Variants in ECE1 observed in about 807,000 individuals in gnomAD.
The protein encoded by ECE1 is endothelin converting enzyme 1, also known as endothelin-converting enzyme 1.
A neutral mutation model predicts 98.6 loss-of-function variants in ECE1; 35 were observed. The observed-to-expected ratio is 0.35, with a 90% confidence interval of 0.27 to 0.47. The LOEUF (loss-of-function observed/expected upper bound fraction) is 0.47, where lower values mean the gene tolerates loss of function less well. ECE1 is among the 20% of genes least tolerant of loss of function. The pLI, the probability that ECE1 is intolerant of heterozygous loss-of-function variation, is 1.00. For synonymous variants in ECE1, 394 were observed against 407.1 expected (o/e 0.97, Z 0.39); for missense variants, 814 against 1,025.3 (o/e 0.79, Z 2.81).
intron 8 of ECE1, among the ~76,000 whole-genome samples, chr1:21,253,429 T>C (rs940840786): frequency 6.6e-6 from 1 of 152,088 alleles, no homozygotes; most frequent in Non-Finnish European, 1.5e-5. Flanking sequence ...AGATAGTCCA[T>C]GGTTTTTGAT....
chr1:21,279,375 C>CG, intron 2 of ECE1, 43 bp from the exon 3 acceptor site: 3 of 1,613,674 alleles, frequency 1.9e-6, no homozygotes, highest in Non-Finnish European at 2.5e-6. Context: ...ACGTGAGCCC[C>CG]GGGCCCCGCT....
chr1:21,314,107 C>T (rs1367609257), intron 1 of ECE1, among the ~76,000 whole-genome samples: 7 of 152,220 alleles, frequency 4.6e-5, no homozygotes, highest in Non-Finnish European at 4.4e-5. Context: ...TCTAATTAAC[C>T]ATAACAGCAA....
intron 8 of ECE1, among the ~76,000 whole-genome samples, chr1:21,251,821 G>A (rs2098213236): frequency 6.6e-6 from 1 of 152,212 alleles, no homozygotes; most frequent in South Asian, 2.1e-4. Flanking sequence ...AGAGCTGATA[G>A]ATCTGTGCCT....
chr1:21,331,055 C>T (rs1045543659), intron 1 of ECE1, among the ~76,000 whole-genome samples: 2 of 152,114 alleles, frequency 1.3e-5, no homozygotes, highest in African/African-American at 4.8e-5. Flanking sequence ...GCAGGACGAT[C>T]GCTTGAGCCC....
At position 21,225,248 on chromosome 1, in the gene ECE1, AC is replaced by A; in HGVS notation, c.2040+1del. On this transcript the variant is annotated splice_donor_variant, in intron 17 of 18. Transcript: ENST00000374893. LOFTEE classifies it high-confidence loss of function. This position sits in a 1 kb window ranked among gnomAD's most constrained non-coding sequence, Gnocchi z 5.3. ...TGCGCGTGTGGGGAGCGGGGCTCTCACCCGATAGGCCGCCTTGAGACCCCCG... is the reference window on the plus strand; with the variant it reads ...TGCGCGTGTGGGGAGCGGGGCTCTCACCGATAGGCCGCCTTGAGACCCCCG... 6.2e-7 allele frequency: 1 copy of A among 1,613,872 alleles called. No individual in the cohort carries two copies. The highest frequency in any genetic ancestry group is 8.5e-7 in the Non-Finnish European group (1 of 1,179,998).
chr1:21,342,886 C>G (rs1000459289), intron 1 of ECE1, among the ~76,000 whole-genome samples: 7 of 152,180 alleles, frequency 4.6e-5, no homozygotes, highest in Admixed American at 3.3e-4. Flanking sequence ...ATGCATGCAC[C>G]GCCGGTCAAC....
chr1:21,345,248 G>A lies in ECE1; in HGVS notation c.3+128C>T. On this transcript the variant is annotated intron_variant, in intron 1 of 18. Transcript: ENST00000415912. The surrounding 1 kb of genome is among the most constrained non-coding windows in gnomAD (Gnocchi z 5.1). ...CCACGCCTTCCGAGAGCCGGGCGGG[G>A]GCTGCTGCTGCAGCCGGCGCCCAGC... 2.6e-6 allele frequency: 3 copies of A among 1,157,144 alleles called. No individual in the cohort carries two copies. Among genetic ancestry groups the A allele is most frequent in the South Asian group, 7.7e-5 (2 of 26,122 alleles). 71.7% of individuals were successfully genotyped at this position (1,157,144 alleles called of 1,614,324 possible).
intron 2 of ECE1, among the ~76,000 whole-genome samples, chr1:21,289,328 TGAG>T (rs1260450313): frequency 1.3e-5 from 2 of 152,032 alleles, no homozygotes; most frequent in Non-Finnish European, 2.9e-5. Context: ...CCTCCAGCAC[TGAG>T]GTCTTGGCCA....
Position 21,227,916 on chromosome 1 carries a change from C to A in ECE1, c.1781+15G>T. 1 of 1,549,334 alleles carries A rather than the reference C, an allele frequency of 6.5e-7. No homozygotes were observed. The highest frequency in any genetic ancestry group is 1.2e-5 in the South Asian group (1 of 84,002). On this transcript the variant is annotated intron_variant, in intron 15 of 18. Coordinates refer to ENST00000374893, the MANE Select transcript of ECE1 (RefSeq NM_001397.3). ...GGGGAAAAGAATTGGGGTAGGGGCC[C>A]CAGAGGCAGCCTACTTGGGTGAGGA...
chr1:21,312,778 T>G (rs550583662), intron 1 of ECE1, among the ~76,000 whole-genome samples: 30 of 152,182 alleles, frequency 2.0e-4, no homozygotes, highest in African/African-American at 7.0e-4. Flanking sequence ...CCTACTACTA[T>G]TTGTTTGACT....
intron 8 of ECE1, among the ~76,000 whole-genome samples, chr1:21,252,061 T>C (rs2098213511): frequency 6.6e-6 from 1 of 152,294 alleles, no homozygotes; most frequent in Non-Finnish European, 1.5e-5. Context: ...ATCGACAAGT[T>C]TACAAACTGT....
At chr1:21,272,561 G>A (rs1460370654) in intron 4 of ECE1, 138 bp downstream of exon 4, 4 of 1,043,064 alleles carry the variant, frequency 3.8e-6, no homozygotes, top group African/African-American at 1.6e-5. Flanking sequence ...CAAAGTGCTG[G>A]GATTACAGGT....
In ECE1 at chr1:21,258,511, G is replaced by A. The variant is rs938341406; in HGVS notation, c.762+182C>T. Among the ~76,000 whole-genome samples the A allele has an allele frequency of 2.0e-5, 3 of 152,210 alleles. No individual in the cohort carries two copies. The highest frequency in any genetic ancestry group is 7.2e-5 in the African/African-American group (3 of 41,454). On this transcript the variant is annotated intron_variant, in intron 6 of 18. Coordinates refer to ENST00000374893, the MANE Select transcript of ECE1 (RefSeq NM_001397.3). The surrounding 1 kb of genome is among the most constrained non-coding windows in gnomAD (Gnocchi z 4.2). ...TCACCTGTATGCAGTGCCCATCTAC[G>A]CAAGGCCAGCAGCCTGCAAAGATCT...
chr1:21,344,645 C>T (rs906632100), intron 1 of ECE1, among the ~76,000 whole-genome samples: 1 of 152,136 alleles, frequency 6.6e-6, no homozygotes, highest in African/African-American at 2.4e-5. Flanking sequence ...CATGAAACGC[C>T]CCTCCCCAGT....
chr1:21,224,652 A>C (rs1344534694), intron 17 of ECE1, among the ~76,000 whole-genome samples: 1 of 152,044 alleles, frequency 6.6e-6, no homozygotes, highest in Non-Finnish European at 1.5e-5. Context: ...TCTGACAGAC[A>C]CCTACTGTTT....
At chr1:21,238,998 ATT>A (rs71569823) in intron 10 of ECE1, among the ~76,000 whole-genome samples, 3 of 143,182 alleles carry the variant, frequency 2.1e-5, no homozygotes, top group Admixed American at 7.0e-5. Context: ...CTATTTAAAA[ATT>A]TTTTTTTTTT....
chr1:21,227,254 T>C (rs369488945), intron 15 of ECE1, 28 bp from the exon 16 acceptor site: 5 of 1,609,958 alleles, frequency 3.1e-6, no homozygotes, highest in African/African-American at 2.7e-5. Flanking sequence ...AAGGTAGAGA[T>C]GATGCTTTGA....
At position 21,327,016 on chromosome 1, in the gene ECE1, T is replaced by C. The variant is rs1378973592; in HGVS notation, c.3+18360A>G. The stretch of plus-strand genomic sequence containing the variant: ...TCAAAGCCTGGGGAGGGCAGGGTCC[T>C]GAGGGCCCTGGTCTCGCTGGGGTCG... On this transcript the variant is annotated intron_variant, in intron 1 of 18. Transcript: ENST00000415912. The surrounding 1 kb of genome is among the most constrained non-coding windows in gnomAD (Gnocchi z 4.6). 6.6e-6 allele frequency among the ~76,000 whole-genome samples: 1 copy of C among 152,174 alleles called. No homozygotes were observed. Among genetic ancestry groups the C allele is most frequent in the African/African-American group, 2.4e-5 (1 of 41,438 alleles).
chr1:21,252,474 G>A (rs570740103), intron 8 of ECE1, among the ~76,000 whole-genome samples: 3 of 152,328 alleles, frequency 2.0e-5, no homozygotes, highest in Admixed American at 6.5e-5. Context: ...GTTTGAAACT[G>A]GGAGAGAAGA....
Sources: allele counts gnomAD v4.1 joint callset (sites outside exome capture counted in the v4.1 genomes callset), GRCh38; gene constraint gnomAD v4.1.1; non-coding constraint Gnocchi (gnomAD v3.1); transcripts MANE v1.5; gene names NCBI Gene and HGNC (gene_info 2026-07-23, HGNC 2026-07-21).